The following SENP7 variants were observed in gnomAD, a reference collection of about 807,000 sequenced individuals.
SENP7 encodes sentrin-specific protease 7.
SENP7 carries 64 observed loss-of-function variants against 141.2 expected under a neutral mutation model. That is an observed-to-expected ratio of 0.45 (90% CI 0.37 to 0.56). SENP7 has a LOEUF of 0.56. SENP7 is among the 20% of genes least tolerant of loss of function. SENP7 has a pLI of 0.00. For synonymous variants in SENP7, 382 were observed against 426.4 expected, an observed-to-expected ratio of 0.90 and a Z score of 1.28; for missense variants, 1,025 against 1,212.2, an observed-to-expected ratio of 0.85 and a Z score of 2.29.
intron 1 of SENP7, among the ~76,000 whole-genome samples, chr3:101,505,360 T>C (rs2065558472): frequency 6.6e-6 from 1 of 152,184 alleles, no homozygotes; most frequent in African/African-American, 2.4e-5. Flanking sequence ...AAAAAGTACA[T>C]GTCATTTTAA....
Position 101,366,477 on chromosome 3 carries a change from A to G in SENP7, c.1271T>C (p.Leu424Pro), listed in dbSNP as rs368909251. The stretch of plus-strand genomic sequence containing the variant: ...TTGGTTCCCTTCATTATGTCCTCTT[A>G]GAATAGGCTTTTCTATGGTATTCAA... ...NELNTIEKPI[L>P]RGHNEGNQSL... Residue 424 changes from leucine to proline, a missense_variant, in exon 9 of 24, where the codon CTA becomes CCA. By Grantham distance (98) the Leu-to-Pro change is moderately conservative. This residue lies in a region of SENP7 where 496 missense variants were observed against 503.5 expected (regional missense o/e 0.99). Transcript: ENST00000394095. 2.5e-6 allele frequency: 4 copies of G among 1,613,044 alleles called. No homozygotes were observed. Among genetic ancestry groups the G allele is most frequent in the Non-Finnish European group, 3.4e-6 (4 of 1,179,532 alleles).
chr3:101,409,628 C>G (rs1462768995), intron 5 of SENP7, among the ~76,000 whole-genome samples: 1 of 151,906 alleles, frequency 6.6e-6, no homozygotes, highest in African/African-American at 2.4e-5. Context: ...AGAAATAAAC[C>G]CAAATACTTA....
intron 3 of SENP7, among the ~76,000 whole-genome samples, chr3:101,463,107 T>C (rs535976304): frequency 6.6e-4 from 101 of 151,994 alleles, no homozygotes; most frequent in Admixed American, 5.7e-3. Context: ...GGCTTATGCC[T>C]GTAATCCCAA....
chr3:101,378,253 C>T (rs1439074078), intron 6 of SENP7, among the ~76,000 whole-genome samples: 2 of 151,774 alleles, frequency 1.3e-5, no homozygotes, highest in Non-Finnish European at 2.9e-5. Flanking sequence ...CCAGACATGT[C>T]AGAGATGTTG....
intron 16 of SENP7, 65 bp downstream of exon 16, chr3:101,340,030 A>G (rs573471588): frequency 6.8e-7 from 1 of 1,464,114 alleles, no homozygotes; most frequent in Admixed American, 2.5e-5. Flanking sequence ...AGAGATAAAG[A>G]CATTTATTTT....
At chr3:101,368,336 CAA>C (rs879870967) in intron 7 of SENP7, among the ~76,000 whole-genome samples, 2 of 140,666 alleles carry the variant, frequency 1.4e-5, no homozygotes, top group African/African-American at 5.2e-5. Flanking sequence ...GCTGTACTAT[CAA>C]AAAAAAAAGG....
At chr3:101,356,532 CT>C (rs1360655189) in intron 11 of SENP7, among the ~76,000 whole-genome samples, 1 of 152,000 alleles carries the variant, frequency 6.6e-6, no homozygotes, top group Non-Finnish European at 1.5e-5. Flanking sequence ...AATTTAACAA[CT>C]TTAGTTGTAG....
chr3:101,463,364 A>AATATAT (rs71625265), intron 3 of SENP7, among the ~76,000 whole-genome samples: 1,926 of 88,520 alleles, frequency 0.022, 41 homozygotes, highest in Non-Finnish European at 0.031. Flanking sequence ...TAAATAAATA[A>AATATAT]ATATATATAT....
chr3:101,465,750 A>G (rs1424099874), intron 3 of SENP7, among the ~76,000 whole-genome samples: 1 of 152,204 alleles, frequency 6.6e-6, no homozygotes, highest in African/African-American at 2.4e-5. Flanking sequence ...AAAAGCAAGG[A>G]AACAAGACAC....
intron 3 of SENP7, among the ~76,000 whole-genome samples, chr3:101,460,124 C>CTAAT (rs1204286103): frequency 6.6e-6 from 1 of 152,116 alleles, no homozygotes; most frequent in Non-Finnish European, 1.5e-5. Context: ...AGCAGTTGGG[C>CTAAT]ATTACTCCCC....
chr3:101,493,387 A>C (rs143668259), intron 3 of SENP7, among the ~76,000 whole-genome samples: 128 of 152,364 alleles, frequency 8.4e-4, no homozygotes, highest in African/African-American at 2.9e-3. Context: ...CACTAAACTT[A>C]AAATAAAAGT....
chr3:101,421,435 T>C lies in SENP7; in HGVS notation c.285-3645A>G, dbSNP rs188323433. 4.0e-4 allele frequency among the ~76,000 whole-genome samples: 61 copies of C among 152,306 alleles called. 4 individuals carry two copies. The East Asian group carries it at 0.011, about 27-fold the overall frequency. ...TTTAAGGATAAAATGTAATTAAGTC[T>C]AATGGAAAAACTATATGACTTAGGT... On this transcript the variant is annotated intron_variant, in intron 4 of 23. Coordinates refer to ENST00000394095, the MANE Select transcript of SENP7 (RefSeq NM_020654.5).
chr3:101,488,523 A>G (rs2064824416), intron 3 of SENP7, among the ~76,000 whole-genome samples: 1 of 152,222 alleles, frequency 6.6e-6, no homozygotes, highest in Non-Finnish European at 1.5e-5. Context: ...ATGGTCCACA[A>G]AAATTTCCCT....
intron 5 of SENP7, among the ~76,000 whole-genome samples, chr3:101,412,190 T>A (rs1172545535): frequency 1.3e-5 from 2 of 152,118 alleles, no homozygotes; most frequent in Non-Finnish European, 2.9e-5. Flanking sequence ...AAATCTATAA[T>A]GAGCCAAAAA....
intron 5 of SENP7, among the ~76,000 whole-genome samples, chr3:101,406,950 A>AT (rs1382612666): frequency 6.6e-6 from 1 of 152,216 alleles, no homozygotes; most frequent in Non-Finnish European, 1.5e-5. Flanking sequence ...TCAGCCAAGA[A>AT]TTTTGTATGC....
intron 3 of SENP7, among the ~76,000 whole-genome samples, chr3:101,493,211 A>T (rs1391633325): frequency 1.3e-5 from 2 of 152,156 alleles, no homozygotes; most frequent in African/African-American, 4.8e-5. Flanking sequence ...GGACACATAG[A>T]GGGAACAACA....
intron 4 of SENP7, among the ~76,000 whole-genome samples, chr3:101,452,124 A>C (rs1384355931): frequency 6.6e-6 from 1 of 151,868 alleles, no homozygotes; most frequent in Non-Finnish European, 1.5e-5. Flanking sequence ...ATTGCTTCAA[A>C]GAGAATAAAA....
rs530878300 is a variant in SENP7 at position 101,399,348 on chromosome 3, T to C, written c.483-293A>G. On this transcript the variant is annotated intron_variant, in intron 5 of 23. Coordinates refer to ENST00000394095, the MANE Select transcript of SENP7 (RefSeq NM_020654.5). ...GGCTTAAAATTTTAACAAATTCTTC[T>C]CTAAAAATGCTTTCTTTCCTTTTCC... Among the ~76,000 whole-genome samples, 13 of 152,358 alleles carry C rather than the reference T, an allele frequency of 8.5e-5. No individual in the cohort carries two copies. In the South Asian group the frequency reaches 2.5e-3, roughly 29 times the overall value.
At chr3:101,490,023 A>G (rs2064899003) in intron 3 of SENP7, among the ~76,000 whole-genome samples, 1 of 152,084 alleles carries the variant, frequency 6.6e-6, no homozygotes, top group African/African-American at 2.4e-5. Flanking sequence ...CATCTCTACT[A>G]AAAATACAAA....
Sources: gnomAD v4.1 joint callset for allele counts (sites outside exome capture counted in the v4.1 genomes callset) on GRCh38, gnomAD v4.1.1 for gene constraint, gnomAD v4.1.1 regional missense constraint, MANE v1.5 for transcripts, NCBI Gene and HGNC (gene_info 2026-07-23, HGNC 2026-07-21) for gene names.